SEC61A2: variants seen among roughly 807,000 people sequenced by gnomAD.
SEC61A2 encodes the protein protein transport protein Sec61 subunit alpha isoform 2.
A neutral mutation model predicts 59.9 loss-of-function variants in SEC61A2; 28 were observed. The ratio of observed to expected loss-of-function variants is 0.47; its 90% CI spans 0.35 to 0.64. The LOEUF is 0.64. Ranked by LOEUF, SEC61A2 falls within the 30% of genes least tolerant of loss-of-function variation. The pLI, the probability that SEC61A2 is intolerant of heterozygous loss-of-function variation, is 0.01. For synonymous variants in SEC61A2, 202 were observed against 214.4 expected (o/e 0.94, Z 0.50); for missense variants, 340 against 585.9 (o/e 0.58, Z 4.33).
Position 12,155,422 on chromosome 10 carries a change from C to G in SEC61A2, c.463-356C>G. On this transcript the variant is annotated intron_variant, in intron 6 of 11. Transcript: ENST00000298428. This position sits in a 1 kb window ranked among gnomAD's most constrained non-coding sequence, Gnocchi z 4.3. ...TCCTTGGAGGTATTTGGGATGTTTT[C>G]AGTTTCTTGCTGTCATAAATTCTAG... 1.5e-6 allele frequency: 2 copies of G among 1,345,846 alleles called. No homozygotes were observed. The highest frequency in any genetic ancestry group is 1.4e-5 in the South Asian group (1 of 72,590). 83.4% of individuals were successfully genotyped at this position (1,345,846 alleles called of 1,614,324 possible).
At chr10:12,163,808 C>A (rs1834593278) in intron 11 of SEC61A2, among the ~76,000 whole-genome samples, 1 of 152,140 alleles carries the variant, frequency 6.6e-6, no homozygotes, top group Non-Finnish European at 1.5e-5. Flanking sequence ...TGCCTCTAAT[C>A]TTTTTTGAGT....
chr10:12,156,004 G>A lies in SEC61A2; in HGVS notation c.616+73G>A, dbSNP rs1054397471. The A allele has an allele frequency of 1.8e-5, 28 of 1,529,864 alleles. No individual in the cohort carries two copies. Among genetic ancestry groups the A allele is most frequent in the Middle Eastern group, 1.8e-4 (1 of 5,454 alleles). 94.8% of individuals were successfully genotyped at this position (1,529,864 alleles called of 1,614,324 possible). ...CTGGGAACAAACCCATCGTGTCGCA[G>A]TACATGCCTAGAGCCGTTCTGGTTT... On this transcript the variant is annotated intron_variant, in intron 7 of 11. Coordinates refer to ENST00000298428, the MANE Select transcript of SEC61A2 (RefSeq NM_018144.4). This position sits in a 1 kb window ranked among gnomAD's most constrained non-coding sequence, Gnocchi z 5.2.
intron 4 of SEC61A2, among the ~76,000 whole-genome samples, chr10:12,148,410 T>C (rs563387850): frequency 1.0e-3 from 155 of 151,066 alleles, no homozygotes; most frequent in Admixed American, 2.2e-3. Context: ...CATGCCCGGA[T>C]ACTTTTGTAT....
chr10:12,149,454 A>T lies in SEC61A2; in HGVS notation c.221-141A>T. On this transcript the variant is annotated intron_variant, in intron 4 of 11. Transcript: ENST00000298428. The surrounding 1 kb of genome is among the most constrained non-coding windows in gnomAD (Gnocchi z 5.2). ...TAATAAATGAGAACTTTTCTTAGCAAGTAGTGTTTAAGAAATGAAAATTTG... is the reference window on the plus strand; with the variant it reads ...TAATAAATGAGAACTTTTCTTAGCATGTAGTGTTTAAGAAATGAAAATTTG... The T allele has an allele frequency of 1.3e-6, 1 of 750,810 alleles. No individual in the cohort carries two copies. The highest frequency in any genetic ancestry group is 2.2e-6 in the Non-Finnish European group (1 of 453,692). The allele number at this position is 750,810 out of a possible 1,614,324, so 46.5% of individuals were successfully genotyped here. A position where few individuals can be genotyped will look rare whatever the true frequency, so the allele number is the denominator to read the frequency against.
In SEC61A2 at chr10:12,155,865, G is replaced by T. The variant is rs1834385925; in HGVS notation, c.550G>T (p.Ala184Ser). ...GLGSGISLFI[A>S]TNICETIVWK... ...GGGGTCTGGGATTTCCCTCTTTATT[G>T]CCACCAACATCTGTGAGACCATTGT... The change falls in exon 7 of 12, where the codon GCC (alanine) becomes TCC (serine). Residue 184 changes from alanine (A) to serine (S), a missense_variant. By Grantham distance (99) the Ala-to-Ser change is moderately conservative. Transcript: ENST00000298428. This position sits in a 1 kb window ranked among gnomAD's most constrained non-coding sequence, Gnocchi z 4.3. 2.5e-6 allele frequency: 4 copies of T among 1,614,066 alleles called. No individual in the cohort carries two copies. The highest frequency in any genetic ancestry group is 3.4e-6 in the Non-Finnish European group (4 of 1,180,000).
Position 12,149,580 on chromosome 10 carries a change from C to A in SEC61A2, c.221-15C>A, listed in dbSNP as rs772168442. ...TACAGCAAACATTGCACACTTCTCT[C>A]CCCTTCCTTTCCAGGAACTTTAATG... On this transcript the variant is annotated splice_polypyrimidine_tract_variant and intron_variant, in intron 4 of 11. Transcript: ENST00000298428. The surrounding 1 kb of genome is among the most constrained non-coding windows in gnomAD (Gnocchi z 5.2). 6.3e-7 allele frequency: 1 copy of A among 1,595,742 alleles called. No individual in the cohort carries two copies. Among genetic ancestry groups the A allele is most frequent in the Non-Finnish European group, 8.5e-7 (1 of 1,172,336 alleles).
At chr10:12,163,616 C>T (rs576481400) in intron 11 of SEC61A2, among the ~76,000 whole-genome samples, 39 of 152,234 alleles carry the variant, frequency 2.6e-4, no homozygotes, top group Middle Eastern at 3.4e-3. Context: ...GCCACCATGC[C>T]TGGTGGGATC....
chr10:12,167,936 CGT>C (rs1564420326), downstream of SEC61A2: 1 of 1,427,106 alleles, frequency 7.0e-7, no homozygotes, highest in African/African-American at 1.6e-5. Context: ...CTGGTGATAA[CGT>C]TTTTTTTGGT....
At position 12,164,265 on chromosome 10, in the gene SEC61A2, T is replaced by C; in HGVS notation, c.1245-3T>C. ...CCGCCTAACTTGGGGTTCTGTCTCC[T>C]AGGTACATCCCCACCGCAGCTGCGT... is the stretch of plus-strand genomic sequence containing the variant. On this transcript the variant is annotated splice_polypyrimidine_tract_variant and splice_region_variant and intron_variant, in intron 11 of 11. Transcript: ENST00000298428. This position sits in a 1 kb window ranked among gnomAD's most constrained non-coding sequence, Gnocchi z 7.3. The C allele has an allele frequency of 6.2e-7, 1 of 1,612,666 alleles. No homozygotes were observed. Among genetic ancestry groups the C allele is most frequent in the Non-Finnish European group, 8.5e-7 (1 of 1,179,990 alleles).
chr10:12,155,945 C>T lies in SEC61A2; in HGVS notation c.616+14C>T, dbSNP rs777491059. 1.2e-5 allele frequency: 19 copies of T among 1,613,792 alleles called. No homozygotes were observed. In the Admixed American group the frequency reaches 1.7e-4, roughly 14 times the overall value. ...ACACTGGCAGAGGTACATCGCACAG[C>T]GACTGCAACTGCACGCGTTTTGCTG... On this transcript the variant is annotated intron_variant, in intron 7 of 11. Coordinates refer to ENST00000298428, the MANE Select transcript of SEC61A2 (RefSeq NM_018144.4). The surrounding 1 kb of genome is among the most constrained non-coding windows in gnomAD (Gnocchi z 4.3).
At chr10:12,144,559 A>G (rs989380301) in intron 4 of SEC61A2, among the ~76,000 whole-genome samples, 34 of 152,186 alleles carry the variant, frequency 2.2e-4, no homozygotes, top group Admixed American at 2.6e-4. Context: ...GAACAAGACA[A>G]TGTCCCAGTT....
At position 12,162,731 on chromosome 10, in the gene SEC61A2, G is replaced by C. The variant is rs1354396521; in HGVS notation, c.1244+442G>C. On this transcript the variant is annotated intron_variant, in intron 11 of 11. Transcript: ENST00000298428. This position sits in a 1 kb window ranked among gnomAD's most constrained non-coding sequence, Gnocchi z 6.1. ...AGTGTTTTTTAGTATATTCAGACTT[G>C]TACAGTCATAAGTTTAAACACATTT... 6.6e-6 allele frequency among the ~76,000 whole-genome samples: 1 copy of C among 152,016 alleles called. No homozygotes were observed. The highest frequency in any genetic ancestry group is 1.5e-5 in the Non-Finnish European group (1 of 68,010).
chr10:12,164,397 T>C lies in SEC61A2; in HGVS notation c.1374T>C (p.Phe458=), dbSNP rs35665802. Residue 458 remains phenylalanine (F), a synonymous_variant, in exon 12 of 12, where the codon TTT becomes TTC. Coordinates refer to ENST00000298428, the MANE Select transcript of SEC61A2 (RefSeq NM_018144.4). The surrounding 1 kb of genome is among the most constrained non-coding windows in gnomAD (Gnocchi z 7.3). ...LLAVTIIYQY[F]EIFVKEQAEV... ...CAGTCACTATTATTTACCAGTATTT[T>C]GAAATATTTGTTAAAGAACAGGCCG... is the stretch of plus-strand genomic sequence containing the variant. The C allele has an allele frequency of 1.2e-3, 1,859 of 1,614,172 alleles. 26 individuals are homozygous for C. In the African/African-American group the frequency reaches 0.022, roughly 19 times the overall value.
downstream of SEC61A2, chr10:12,167,344 A>T (rs748334274): frequency 5.4e-6 from 1 of 183,624 alleles, no homozygotes; most frequent in African/African-American, 2.4e-5. Flanking sequence ...GGGGGTTGAG[A>T]GTGGAAATGA....
chr10:12,148,604 A>G (rs1322436511), intron 4 of SEC61A2, among the ~76,000 whole-genome samples: 1 of 148,952 alleles, frequency 6.7e-6, no homozygotes, highest in East Asian at 2.0e-4. Context: ...CAGTGGTGCG[A>G]TCTTGGTTCA....
chr10:12,155,103 C>T lies in SEC61A2; in HGVS notation c.463-675C>T, dbSNP rs988519828. Among the ~76,000 whole-genome samples, 2 of 152,140 alleles carry T rather than the reference C, an allele frequency of 1.3e-5. No individual in the cohort carries two copies. Among genetic ancestry groups the T allele is most frequent in the Admixed American group, 6.5e-5 (1 of 15,274 alleles). Reference sequence around the variant, plus strand: ...TTTTCAATATCCCATAAATTAAAGTCAGTATGCTTTCATTTTTAAAAACAA... The same window carrying T: ...TTTTCAATATCCCATAAATTAAAGTTAGTATGCTTTCATTTTTAAAAACAA... On this transcript the variant is annotated intron_variant, in intron 6 of 11. Transcript: ENST00000298428. This position sits in a 1 kb window ranked among gnomAD's most constrained non-coding sequence, Gnocchi z 4.3.
At position 12,164,565 on chromosome 10, in the gene SEC61A2, G is replaced by C. The variant is rs1834618439; in HGVS notation, c.*111G>C. On this transcript the variant is annotated 3_prime_UTR_variant, in exon 12 of 12. Transcript: ENST00000298428. This position sits in a 1 kb window ranked among gnomAD's most constrained non-coding sequence, Gnocchi z 7.3. ...TTCTCCCCTCACAGTTTCTTGTTTC[G>C]AGTGCTGACTGACCCGTTTCTGAAA... 2 of 1,493,342 alleles carry C rather than the reference G, an allele frequency of 1.3e-6. No homozygotes were observed. The highest frequency in any genetic ancestry group is 2.0e-4 in the Middle Eastern group (1 of 5,054). 92.5% of individuals were successfully genotyped at this position (1,493,342 alleles called of 1,614,324 possible). A position where few individuals can be genotyped will look rare whatever the true frequency, so the allele number is the denominator to read the frequency against.
rs562994321 is a variant in SEC61A2 at position 12,134,745 on chromosome 10, G to A, written c.76-1360G>A. ...ATCCTTGCCAACATGGTGAAGCCCC[G>A]ACTCTACTAAAAATACAAAAAAATT... On this transcript the variant is annotated intron_variant, in intron 2 of 11. Coordinates refer to ENST00000298428, the MANE Select transcript of SEC61A2 (RefSeq NM_018144.4). 9.1e-4 allele frequency among the ~76,000 whole-genome samples: 138 copies of A among 151,784 alleles called. 1 individual carries two copies. The South Asian group carries it at 9.4e-3, about 10-fold the overall frequency.
At chr10:12,134,201 G>A (rs1388495866) in intron 2 of SEC61A2, among the ~76,000 whole-genome samples, 1 of 152,200 alleles carries the variant, frequency 6.6e-6, no homozygotes, top group Non-Finnish European at 1.5e-5. Flanking sequence ...TAGAGACGGG[G>A]TTTCACCGTG....
Sources: gnomAD v4.1 joint callset for allele counts (sites outside exome capture counted in the v4.1 genomes callset) on GRCh38, gnomAD v4.1.1 for gene constraint, Gnocchi (gnomAD v3.1) non-coding constraint, MANE v1.5 for transcripts, NCBI Gene and HGNC (gene_info 2026-07-23, HGNC 2026-07-21) for gene names.